FGF14: variants seen among roughly 807,000 people sequenced by gnomAD.
FGF14 encodes fibroblast growth factor homologous factor 4.
A neutral mutation model predicts 25.5 loss-of-function variants in FGF14; 5 were observed. The observed-to-expected ratio is 0.20, with a 90% CI of 0.10 to 0.41. The LOEUF is 0.41. Among genes scored for constraint, FGF14 ranks in the 10% least tolerant of loss-of-function variants. FGF14 has a pLI of 1.00. For synonymous variants in FGF14, 138 were observed against 118.3 expected (o/e 1.17, Z -1.08); for missense variants, 222 against 320.1 (o/e 0.69, Z 2.34).
intron 1 of FGF14, among the ~76,000 whole-genome samples, chr13:102,170,821 A>G (rs1280838682): frequency 6.6e-6 from 1 of 152,160 alleles, no homozygotes; most frequent in Non-Finnish European, 1.5e-5. Flanking sequence ...TAGTGAATTT[A>G]TACCTGCATC....
At chr13:102,339,613 G>C (rs1438021273) in intron 1 of FGF14, among the ~76,000 whole-genome samples, 3 of 152,046 alleles carry the variant, frequency 2.0e-5, no homozygotes, top group Admixed American at 1.3e-4. Flanking sequence ...AGTTAGAATC[G>C]AATGCAGTGA....
chr13:101,999,446 A>C (rs2039361991), intron 1 of FGF14, among the ~76,000 whole-genome samples: 1 of 151,992 alleles, frequency 6.6e-6, no homozygotes, highest in South Asian at 2.1e-4. Flanking sequence ...CAAAAGCAGC[A>C]AACTATTTTG....
At chr13:101,770,649 A>C (rs2038710238) in intron 3 of FGF14, among the ~76,000 whole-genome samples, 1 of 152,136 alleles carries the variant, frequency 6.6e-6, no homozygotes, top group African/African-American at 2.4e-5. Context: ...ATCAATGAGT[A>C]ATTCCTGTTA....
intron 1 of FGF14, among the ~76,000 whole-genome samples, chr13:101,893,566 A>T (rs1717896759): frequency 6.6e-6 from 1 of 152,162 alleles, no homozygotes; most frequent in Non-Finnish European, 1.5e-5. Flanking sequence ...CCAGTGTAAT[A>T]ACAGGGTCCT....
chr13:101,841,643 A>G (rs1025797727), intron 3 of FGF14, among the ~76,000 whole-genome samples: 3 of 152,044 alleles, frequency 2.0e-5, no homozygotes, highest in African/African-American at 7.2e-5. Flanking sequence ...TTGATTGAAC[A>G]TCGGAATGGT....
chr13:101,901,678 T>C (rs2031571802), intron 1 of FGF14, among the ~76,000 whole-genome samples: 1 of 152,102 alleles, frequency 6.6e-6, no homozygotes, highest in Admixed American at 6.5e-5. Context: ...CACTCCAGCC[T>C]GGGGGACAGA....
At chr13:102,344,713 C>T (rs2138929101) in intron 1 of FGF14, among the ~76,000 whole-genome samples, 1 of 152,338 alleles carries the variant, frequency 6.6e-6, no homozygotes, top group Admixed American at 6.5e-5. Flanking sequence ...AGGTCCAGGG[C>T]TAGCATAGTC....
chr13:101,843,765 C>T (rs907318538), intron 3 of FGF14, among the ~76,000 whole-genome samples: 1 of 151,884 alleles, frequency 6.6e-6, no homozygotes, highest in Admixed American at 6.6e-5. Flanking sequence ...ATTTTCCTGA[C>T]AGTGAATCCA....
intron 1 of FGF14, among the ~76,000 whole-genome samples, chr13:102,132,031 TTGG>T (rs2046219754): frequency 1.3e-5 from 2 of 152,092 alleles, no homozygotes; most frequent in Non-Finnish European, 2.9e-5. Context: ...TTGTTTTGTT[TTGG>T]TTTTTTTTGC....
chr13:101,795,354 A>T (rs1201844634), intron 3 of FGF14, among the ~76,000 whole-genome samples: 1 of 152,136 alleles, frequency 6.6e-6, no homozygotes, highest in Non-Finnish European at 1.5e-5. Flanking sequence ...AAGTATATTT[A>T]AAAAGAAAAG....
At chr13:102,058,635 C>T (rs769570723) in intron 1 of FGF14, among the ~76,000 whole-genome samples, 2 of 152,072 alleles carry the variant, frequency 1.3e-5, no homozygotes, top group Non-Finnish European at 1.5e-5. Flanking sequence ...AGTGTGTCAT[C>T]CCCAATAAAT....
At chr13:101,800,792 T>C (rs2040827697) in intron 3 of FGF14, among the ~76,000 whole-genome samples, 2 of 152,170 alleles carry the variant, frequency 1.3e-5, no homozygotes, top group African/African-American at 4.8e-5. Context: ...GCAGGGAAAC[T>C]TTCACAACCA....
intron 1 of FGF14, among the ~76,000 whole-genome samples, chr13:101,970,719 A>AGCAT (rs1329632585): frequency 6.6e-6 from 1 of 152,188 alleles, no homozygotes; most frequent in African/African-American, 2.4e-5. Flanking sequence ...GGTGCAGGAG[A>AGCAT]GCATATTAAA....
intron 1 of FGF14, among the ~76,000 whole-genome samples, chr13:102,080,359 G>A (rs772480598): frequency 6.6e-5 from 10 of 152,104 alleles, no homozygotes; most frequent in Non-Finnish European, 1.2e-4. Context: ...GGTGGGTGCC[G>A]GCGACGTCAA....
intron 1 of FGF14, among the ~76,000 whole-genome samples, chr13:102,035,689 T>C (rs1340056584): frequency 6.6e-6 from 1 of 152,230 alleles, no homozygotes; most frequent in Admixed American, 6.5e-5. Flanking sequence ...AACATCTTAA[T>C]AACTTTTAGC....
At chr13:102,108,501 A>T (rs1253894190) in intron 1 of FGF14, among the ~76,000 whole-genome samples, 1 of 152,210 alleles carries the variant, frequency 6.6e-6, no homozygotes, top group Non-Finnish European at 1.5e-5. Flanking sequence ...ATCTCTGTGA[A>T]ACATGTTAAG....
At chr13:102,067,838 A>G (rs1370876633) in intron 1 of FGF14, among the ~76,000 whole-genome samples, 1 of 152,134 alleles carries the variant, frequency 6.6e-6, no homozygotes, top group East Asian at 1.9e-4. Flanking sequence ...TTTAACCCAA[A>G]TAAGACTACC....
intron 1 of FGF14, among the ~76,000 whole-genome samples, chr13:102,237,515 G>A (rs2051383878): frequency 6.7e-6 from 1 of 149,752 alleles, no homozygotes; most frequent in Non-Finnish European, 1.5e-5. Context: ...TTACTTTGGT[G>A]CAAACCCTGT....
intron 1 of FGF14, among the ~76,000 whole-genome samples, chr13:102,332,197 A>T (rs1184690714): frequency 6.6e-6 from 1 of 152,166 alleles, no homozygotes; most frequent in Non-Finnish European, 1.5e-5. Flanking sequence ...AAGTTTTTTT[A>T]AAGACTCCCA....
Sources: gnomAD v4.1 joint callset for allele counts (sites outside exome capture counted in the v4.1 genomes callset) on GRCh38, gnomAD v4.1.1 for gene constraint, MANE v1.5 for transcripts, NCBI Gene and HGNC (gene_info 2026-07-23, HGNC 2026-07-21) for gene names.